Variants in RPH3AL observed in about 807,000 individuals in gnomAD.
The protein encoded by RPH3AL is rab effector Noc2.
RPH3AL carries 38 observed loss-of-function variants against 43.1 expected under a neutral mutation model. The observed-to-expected ratio is 0.88, with a 90% CI of 0.68 to 1.15. The LOEUF is 1.15. Ranked by LOEUF, RPH3AL falls within the 50% of genes most tolerant of loss-of-function variation. The probability of loss-of-function intolerance (pLI) is 0.00; values close to 1 mark genes in which losing one functional copy is unlikely to be tolerated. For missense variants in RPH3AL, 462 were observed against 423.2 expected, an observed-to-expected ratio of 1.09 and a Z score of -0.81; for synonymous variants, 189 against 176.3, an observed-to-expected ratio of 1.07 and a Z score of -0.57.
At chr17:258,264 T>G (rs1056837477) in intron 6 of RPH3AL, among the ~76,000 whole-genome samples, 1 of 152,234 alleles carries the variant, frequency 6.6e-6, no homozygotes, top group East Asian at 1.9e-4. Context: ...CCACTGTTTC[T>G]TCAAGCTCCT....
At chr17:286,209 C>T (rs1004737785) in intron 5 of RPH3AL, among the ~76,000 whole-genome samples, 4 of 152,186 alleles carry the variant, frequency 2.6e-5, no homozygotes, top group Non-Finnish European at 4.4e-5. Flanking sequence ...GCGGAGCCAA[C>T]GGATCTGGGG....
At chr17:345,785 C>T (rs1298692935) in intron 1 of RPH3AL, among the ~76,000 whole-genome samples, 1 of 130,708 alleles carries the variant, frequency 7.7e-6, no homozygotes, top group African/African-American at 2.6e-5. Flanking sequence ...GCGTGCTCCC[C>T]ATCTGCATGC....
chr17:291,302 G>A lies in RPH3AL; in HGVS notation c.352-9448C>T, dbSNP rs577818228. Among the ~76,000 whole-genome samples, 7 of 152,310 alleles carry A rather than the reference G, an allele frequency of 4.6e-5. No homozygotes were observed. In the East Asian group the frequency reaches 1.2e-3, roughly 25 times the overall value. On this transcript the variant is annotated intron_variant, in intron 5 of 9. Transcript: ENST00000331302. ...TGCCTGCAATCCCAGTGCTTTGGGA[G>A]GCCGAGGTGGGGGGATTTCTTGAGG...
intron 5 of RPH3AL, among the ~76,000 whole-genome samples, chr17:309,574 C>T (rs866688158): frequency 0.018 from 645 of 35,172 alleles, 51 homozygotes; most frequent in East Asian, 0.04. Context: ...ACGTCCCCTG[C>T]CCTGCCCCAG....
intron 7 of RPH3AL, among the ~76,000 whole-genome samples, chr17:228,929 T>A (rs1421117219): frequency 6.6e-6 from 1 of 152,216 alleles, no homozygotes; most frequent in Non-Finnish European, 1.5e-5. Flanking sequence ...TGGTCCTGCC[T>A]TGGATGCTCT....
chr17:260,454 G>A lies in RPH3AL; in HGVS notation c.439-13169C>T, dbSNP rs114071098. On this transcript the variant is annotated intron_variant, in intron 6 of 9. Coordinates refer to ENST00000331302, the MANE Select transcript of RPH3AL (RefSeq NM_006987.4). ...TGAGGAGCCTGCTATGTTACTGACC[G>A]ACCACATGAACAAAGAAGGGAAAGC... Among the ~76,000 whole-genome samples, 1,143 of 152,264 alleles carry A rather than the reference G, an allele frequency of 7.5e-3. 18 individuals carry two copies. The highest frequency in any genetic ancestry group is 0.026 in the African/African-American group (1,098 of 41,546).
intron 1 of RPH3AL, chr17:335,642 AT>A (rs1468360423): frequency 6.6e-6 from 1 of 152,242 alleles, no homozygotes; most frequent in Non-Finnish European, 1.5e-5. Context: ...CCTGACCTCA[AT>A]GTCCAGAACT....
chr17:269,024 G>A lies in RPH3AL; in HGVS notation c.438+12744C>T, dbSNP rs546416904. Among the ~76,000 whole-genome samples the A allele has an allele frequency of 1.4e-3, 207 of 152,078 alleles. 1 individual carries two copies. The East Asian group carries it at 0.02, about 15-fold the overall frequency. ...CTCCCGAGTAGCTGGGACTACAGGC[G>A]CCCGCCACCACGCCTGGCTAATTTT... On this transcript the variant is annotated intron_variant, in intron 6 of 9. Coordinates refer to ENST00000331302, the MANE Select transcript of RPH3AL (RefSeq NM_006987.4).
intron 6 of RPH3AL, among the ~76,000 whole-genome samples, chr17:278,112 C>T (rs1263209511): frequency 1.3e-5 from 2 of 152,132 alleles, no homozygotes; most frequent in African/African-American, 4.8e-5. Flanking sequence ...CCCATAATTC[C>T]CAAGTGTTGT....
chr17:267,615 T>C (rs2042353630), intron 6 of RPH3AL, among the ~76,000 whole-genome samples: 2 of 152,216 alleles, frequency 1.3e-5, no homozygotes, highest in African/African-American at 4.8e-5. Context: ...GGCCTGCATC[T>C]GGGGACACTT....
chr17:258,323 A>G (rs1555545104), intron 6 of RPH3AL, among the ~76,000 whole-genome samples: 1 of 152,190 alleles, frequency 6.6e-6, no homozygotes, highest in African/African-American at 2.4e-5. Flanking sequence ...TGGTTGAATG[A>G]CTGTGCTGGC....
intron 1 of RPH3AL, among the ~76,000 whole-genome samples, chr17:343,977 T>TGGTTATTATTAAAAATAAATAAA (rs1567540402): frequency 7.2e-5 from 3 of 41,398 alleles, no homozygotes; most frequent in East Asian, 5.4e-4. Context: ...GTCATCATCA[T>TGGTTATTATTAAAAATAAATAAA]TACCATCACC....
At chr17:316,006 C>G (rs1167331081) in intron 5 of RPH3AL, among the ~76,000 whole-genome samples, 48 of 147,892 alleles carry the variant, frequency 3.2e-4, no homozygotes, top group African/African-American at 1.1e-3. Flanking sequence ...CCTCCATTGA[C>G]CTGTAGTCCC....
Position 216,209 on chromosome 17 carries a change from C to T in RPH3AL, c.728-407G>A, listed in dbSNP as rs11871433. Among the ~76,000 whole-genome samples, 200 of 83,402 alleles carry T rather than the reference C, an allele frequency of 2.4e-3. 10 individuals carry two copies. Among genetic ancestry groups the T allele is most frequent in the Admixed American group, 3.7e-3 (30 of 8,194 alleles). 54.7% of individuals were successfully genotyped at this position (83,402 alleles called of 152,430 possible). On this transcript the variant is annotated intron_variant, in intron 8 of 9. Coordinates refer to ENST00000331302, the MANE Select transcript of RPH3AL (RefSeq NM_006987.4). ...ATGGCTGCCGGGCTCTGGCCTGACCCCACCCACATGGCTGCCGGGCTCTGG... is the reference window on the plus strand; with the variant it reads ...ATGGCTGCCGGGCTCTGGCCTGACCTCACCCACATGGCTGCCGGGCTCTGG...
At chr17:299,335 C>G (rs1371060703) in intron 5 of RPH3AL, among the ~76,000 whole-genome samples, 1 of 152,136 alleles carries the variant, frequency 6.6e-6, no homozygotes, top group Non-Finnish European at 1.5e-5. Context: ...CATCTGTAAC[C>G]TGGGGCAGAC....
Position 219,730 on chromosome 17 carries a change from G to T in RPH3AL, c.620C>A (p.Ser207Tyr). 6.2e-7 allele frequency: 1 copy of T among 1,611,578 alleles called. No individual in the cohort carries two copies. Among genetic ancestry groups the T allele is most frequent in the East Asian group, 2.2e-5 (1 of 44,854 alleles). ...ATCCGAGTCACTGTCACTGTCACTG[G>T]AAACCACTGGAAGAGACAGACCACA... ...IYTWARGRVV[S>Y]SDSDSDSDLS... is the part of the protein sequence containing the mutation. The change falls in exon 8 of 10, where the codon TCC (serine) becomes TAC (tyrosine). Residue 207 changes from serine to tyrosine, a missense_variant. By Grantham distance (144) the Ser-to-Tyr change is moderately radical (BLOSUM62 -2). Transcript: ENST00000331302.
At chr17:235,272 C>G (rs377371321) in intron 7 of RPH3AL, among the ~76,000 whole-genome samples, 16,979 of 116,280 alleles carry the variant, frequency 0.15, 553 homozygotes, top group African/African-American at 0.17. Flanking sequence ...CTGGGGTCGG[C>G]CGAGGCTCTA....
chr17:293,407 C>T (rs1180472277), intron 5 of RPH3AL, among the ~76,000 whole-genome samples: 3 of 150,798 alleles, frequency 2.0e-5, no homozygotes, highest in African/African-American at 4.9e-5. Flanking sequence ...CGTGCCTCTG[C>T]GAGTGTCAGT....
intron 7 of RPH3AL, among the ~76,000 whole-genome samples, chr17:223,270 T>C (rs1325235874): frequency 6.6e-6 from 1 of 152,016 alleles, no homozygotes; most frequent in East Asian, 1.9e-4. Context: ...TTTCCATCAA[T>C]TCGCATAACA....
Sources: gnomAD v4.1 joint callset for allele counts (sites outside exome capture counted in the v4.1 genomes callset) on GRCh38, gnomAD v4.1.1 for gene constraint, MANE v1.5 for transcripts, NCBI Gene and HGNC (gene_info 2026-07-23, HGNC 2026-07-21) for gene names.